Variants in TDRD7 observed in about 807,000 individuals in gnomAD.
TDRD7 encodes tudor domain containing 7.
TDRD7 carries 47 observed loss-of-function variants against 109.8 expected under a neutral mutation model. That is an observed-to-expected ratio of 0.43 (90% CI 0.34 to 0.55). The LOEUF (loss-of-function observed/expected upper bound fraction) is 0.55, where lower values mean the gene tolerates loss of function less well. Ranked by LOEUF, TDRD7 falls within the 20% of genes least tolerant of loss-of-function variation. The pLI, the probability that TDRD7 is intolerant of heterozygous loss-of-function variation, is 0.03. For missense variants in TDRD7, 1,164 were observed against 1,319.2 expected (o/e 0.88, Z 1.82); for synonymous variants, 424 against 457.3 (o/e 0.93, Z 0.93).
At chr9:97,428,797 T>G in intron 2 of TDRD7, 125 bp downstream of exon 2, 4 of 882,210 alleles carry the variant, frequency 4.5e-6, no homozygotes, top group Non-Finnish European at 7.3e-6. Flanking sequence ...TTGGGATTGG[T>G]AGTGACAGAG....
intron 6 of TDRD7, among the ~76,000 whole-genome samples, chr9:97,453,076 G>C (rs1828527265): frequency 6.6e-6 from 1 of 152,156 alleles, no homozygotes; most frequent in Admixed American, 6.5e-5. Flanking sequence ...CCTTCTTTGG[G>C]TTAGAAGAAG....
chr9:97,417,733 C>T (rs1244570764), intron 1 of TDRD7, among the ~76,000 whole-genome samples: 2 of 152,158 alleles, frequency 1.3e-5, no homozygotes, highest in Non-Finnish European at 2.9e-5. Context: ...CCTGCCCTTC[C>T]CCCAAAACCA....
chr9:97,413,322 T>C (rs1236830173), intron 1 of TDRD7, among the ~76,000 whole-genome samples: 1 of 152,286 alleles, frequency 6.6e-6, no homozygotes, highest in African/African-American at 2.4e-5. Flanking sequence ...GATTGAAATC[T>C]GGGCTTCTCA....
intron 12 of TDRD7, among the ~76,000 whole-genome samples, chr9:97,475,783 T>G (rs1210031650): frequency 6.6e-6 from 1 of 152,198 alleles, no homozygotes; most frequent in East Asian, 1.9e-4. Context: ...TGGAAATATA[T>G]TAATGAATAT....
At position 97,483,193 on chromosome 9, in the gene TDRD7, T is replaced by C. The variant is rs1238077496; in HGVS notation, c.2757T>C (p.Pro919=). ...GGGAACACATGGATGTGTATGTGCC[T>C]GTGGCCTGTCACCCAGGCTACTTCG... is the stretch of plus-strand genomic sequence containing the variant. ...KPGEHMDVYV[P]VACHPGYFVI... is the part of the protein sequence containing the mutation. The change falls in exon 15 of 17, where the codon CCT becomes CCC. Residue 919 remains proline (P), a synonymous_variant. Transcript: ENST00000355295. 4 of 1,613,558 alleles carry C rather than the reference T, an allele frequency of 2.5e-6. No individual in the cohort carries two copies. The highest frequency in any genetic ancestry group is 3.4e-6 in the Non-Finnish European group (4 of 1,179,620).
chr9:97,457,713 G>C (rs1430332323), intron 6 of TDRD7, among the ~76,000 whole-genome samples: 1 of 152,100 alleles, frequency 6.6e-6, no homozygotes, highest in South Asian at 2.1e-4. Context: ...ATTTACAATA[G>C]CAAAGACATG....
intron 5 of TDRD7, among the ~76,000 whole-genome samples, chr9:97,441,230 T>C (rs1828298149): frequency 6.6e-6 from 1 of 152,202 alleles, no homozygotes; most frequent in South Asian, 2.1e-4. Context: ...AAAAAGTTAT[T>C]TGATCTGTTA....
intron 15 of TDRD7, among the ~76,000 whole-genome samples, chr9:97,485,927 G>A (rs1829205080): frequency 6.6e-6 from 1 of 152,168 alleles, no homozygotes; most frequent in South Asian, 2.1e-4. Flanking sequence ...TGCACTTTGA[G>A]CCTGTCTGAA....
At chr9:97,417,204 T>C (rs756985439) in intron 1 of TDRD7, among the ~76,000 whole-genome samples, 3 of 151,952 alleles carry the variant, frequency 2.0e-5, no homozygotes, top group Non-Finnish European at 4.4e-5. Flanking sequence ...GAGCCCAGGA[T>C]GGGTGAATGA....
Position 97,448,514 on chromosome 9 carries a change from G to C in TDRD7, c.855+6639G>C, listed in dbSNP as rs559318768. Among the ~76,000 whole-genome samples the C allele has an allele frequency of 2.0e-5, 3 of 152,340 alleles. No homozygotes were observed. The South Asian group carries it at 6.2e-4, about 32-fold the overall frequency. ...CAACCTTTCTGTGAACTGGCTAATC[G>C]TAGGGTGCAAGCTTCTGGTCAGTGA... On this transcript the variant is annotated intron_variant, in intron 6 of 16. Transcript: ENST00000355295.
chr9:97,482,697 A>G, intron 14 of TDRD7, 152 bp from the exon 15 acceptor site: 3 of 773,544 alleles, frequency 3.9e-6, no homozygotes. Flanking sequence ...ATTCATTGCC[A>G]AGCTGTGATA....
rs747766997 is a variant in TDRD7, at chr9:97,460,543, A to G, written c.1221A>G (p.Pro407=). ...AGGCCATTCTCTATGCTAAACTTCC[A>G]TTGCCCACTGACAAAATCCAAAAGG... ...PQKAILYAKL[P]LPTDKIQKDA... The change falls in exon 7 of 17, where the codon CCA becomes CCG. Residue 407 remains proline (P), a synonymous_variant. Transcript: ENST00000355295. 1.9e-6 allele frequency: 3 copies of G among 1,614,254 alleles called. No individual in the cohort carries two copies. Among genetic ancestry groups the G allele is most frequent in the Non-Finnish European group, 2.5e-6 (3 of 1,180,046 alleles).
At chr9:97,422,106 G>A (rs1221487203) in intron 1 of TDRD7, among the ~76,000 whole-genome samples, 1 of 152,124 alleles carries the variant, frequency 6.6e-6, no homozygotes, top group Non-Finnish European at 1.5e-5. Context: ...TTAAAAATCA[G>A]TTTACTAGGC....
At chr9:97,439,585 C>G (rs1434059868) in intron 5 of TDRD7, among the ~76,000 whole-genome samples, 1 of 152,168 alleles carries the variant, frequency 6.6e-6, no homozygotes, top group Non-Finnish European at 1.5e-5. Context: ...TGCAGAGATG[C>G]TTGTGTCCCT....
At chr9:97,418,645 A>C (rs1230985232) in intron 1 of TDRD7, among the ~76,000 whole-genome samples, 1 of 152,160 alleles carries the variant, frequency 6.6e-6, no homozygotes, top group Non-Finnish European at 1.5e-5. Flanking sequence ...AGTGGTCTAA[A>C]ATGGTTCTCC....
intron 1 of TDRD7, among the ~76,000 whole-genome samples, chr9:97,419,732 T>G (rs921212961): frequency 1.3e-5 from 2 of 152,174 alleles, no homozygotes; most frequent in African/African-American, 4.8e-5. Context: ...ACACCACTGT[T>G]TTTTTCTTTT....
chr9:97,451,095 C>T (rs569327226), intron 6 of TDRD7, among the ~76,000 whole-genome samples: 12 of 151,942 alleles, frequency 7.9e-5, no homozygotes, highest in Admixed American at 3.3e-4. Flanking sequence ...ACCAATCATG[C>T]CTGCGGAATG....
Position 97,441,755 on chromosome 9 carries a change from A to G in TDRD7, c.735A>G (p.Leu245=), listed in dbSNP as rs1335951601. The G allele has an allele frequency of 1.9e-6, 3 of 1,613,868 alleles. No individual in the cohort carries two copies. The highest frequency in any genetic ancestry group is 2.5e-6 in the Non-Finnish European group (3 of 1,179,858). Residue 245 remains leucine (L), a synonymous_variant, in exon 6 of 17, where the codon CTA becomes CTG. Transcript: ENST00000355295. ...DEVQNRIKEI[L]NKHNNGIWIS... ...TTCAAAATCGCATAAAGGAAATACT[A>G]AACAAGCATAACAATGGCATTTGGA...
At chr9:97,493,373 CT>C (rs1179923565) in intron 16 of TDRD7, among the ~76,000 whole-genome samples, 2 of 152,032 alleles carry the variant, frequency 1.3e-5, no homozygotes, top group African/African-American at 2.4e-5. Context: ...GTGATGCCCC[CT>C]AAGCCGTAAA....
Sources: gnomAD v4.1 joint callset for allele counts (sites outside exome capture counted in the v4.1 genomes callset) on GRCh38, gnomAD v4.1.1 for gene constraint, MANE v1.5 for transcripts, NCBI Gene and HGNC (gene_info 2026-07-23, HGNC 2026-07-21) for gene names.